The following CD109 variants were observed in gnomAD, a reference collection of about 807,000 sequenced individuals.
The protein encoded by CD109 is CD109 antigen.
In CD109, 149 loss-of-function variants were observed where a neutral mutation model predicts 165.8. That is an observed-to-expected ratio of 0.90 (90% CI 0.79 to 1.03). The LOEUF (loss-of-function observed/expected upper bound fraction) is 1.03, where lower values mean the gene tolerates loss of function less well. CD109 is among the 50% of genes least tolerant of loss of function. The pLI is 0.00. For synonymous variants in CD109, 585 were observed against 592.1 expected (o/e 0.99, Z 0.18); for missense variants, 1,712 against 1,677.8 (o/e 1.02, Z -0.36).
chr6:73,781,122 G>A (rs1286397727), intron 16 of CD109, 137 bp from the exon 17 acceptor site: 2 of 627,756 alleles, frequency 3.2e-6, no homozygotes, highest in African/African-American at 3.7e-5. Context: ...AGACAGAAAG[G>A]TTGAATGTAT....
intron 15 of CD109, among the ~76,000 whole-genome samples, chr6:73,777,911 C>T (rs1313035267): frequency 6.6e-6 from 1 of 152,068 alleles, no homozygotes; most frequent in Non-Finnish European, 1.5e-5. Context: ...TTTTTGGTTC[C>T]ATATGAATTT....
intron 15 of CD109, among the ~76,000 whole-genome samples, chr6:73,774,909 G>A (rs1774181768): frequency 2.0e-5 from 3 of 151,238 alleles, no homozygotes; most frequent in Admixed American, 6.6e-5. Flanking sequence ...AGGAGGGAGT[G>A]AGGATCCTGT....
chr6:73,790,179 C>T (rs996902567), intron 22 of CD109, among the ~76,000 whole-genome samples: 14 of 146,786 alleles, frequency 9.5e-5, no homozygotes, highest in Admixed American at 2.8e-4. Flanking sequence ...ACTGCAACCA[C>T]CGCCTACTGG....
chr6:73,696,410 C>G (rs991259720), intron 1 of CD109, 121 bp downstream of exon 1: 1 of 775,572 alleles, frequency 1.3e-6, no homozygotes, highest in Non-Finnish European at 1.8e-6. Flanking sequence ...AATGCCCTCG[C>G]GGCTGCAGTC....
At chr6:73,798,793 A>G (rs1002487390) in intron 23 of CD109, among the ~76,000 whole-genome samples, 1 of 152,114 alleles carries the variant, frequency 6.6e-6, no homozygotes, top group African/African-American at 2.4e-5. Context: ...TCTCATCTCC[A>G]TGATCTCATC....
chr6:73,699,545 TC>T (rs940904557), intron 2 of CD109, among the ~76,000 whole-genome samples: 1 of 152,164 alleles, frequency 6.6e-6, no homozygotes, highest in Non-Finnish European at 1.5e-5. Flanking sequence ...TATCAGTCTC[TC>T]TTTTTTTTTG....
intron 24 of CD109, among the ~76,000 whole-genome samples, chr6:73,804,479 CTT>C (rs890335566): frequency 1.3e-5 from 2 of 152,196 alleles, no homozygotes; most frequent in African/African-American, 4.8e-5. Flanking sequence ...TCTCCTCCCT[CTT>C]TCTTTCCTGT....
chr6:73,726,741 C>T (rs145787252), intron 3 of CD109, among the ~76,000 whole-genome samples: 33 of 152,250 alleles, frequency 2.2e-4, no homozygotes, highest in African/African-American at 7.5e-4. Flanking sequence ...TATGTATACA[C>T]GAAATAGATG....
At chr6:73,730,116 G>GC (rs1772303653) in intron 3 of CD109, among the ~76,000 whole-genome samples, 1 of 152,168 alleles carries the variant, frequency 6.6e-6, no homozygotes, top group Non-Finnish European at 1.5e-5. Flanking sequence ...AGAGCAGTGG[G>GC]CTATGTGTCC....
intron 5 of CD109, among the ~76,000 whole-genome samples, chr6:73,749,670 A>C (rs1773115703): frequency 6.6e-6 from 1 of 152,224 alleles, no homozygotes; most frequent in Admixed American, 6.5e-5. Context: ...ATGTGTGTGA[A>C]TGGGTCTCTC....
intron 2 of CD109, among the ~76,000 whole-genome samples, chr6:73,701,519 C>A (rs1771077764): frequency 6.6e-6 from 1 of 152,060 alleles, no homozygotes; most frequent in Admixed American, 6.6e-5. Flanking sequence ...GAAAGGAGTT[C>A]CTTGCCAAAT....
rs1193160430 is a variant in CD109 at position 73,762,448 on chromosome 6, G to A, written c.823G>A (p.Gly275Arg). ...TACATTTTTACCTTTATCCTTTTGG[G>A]GAAAGAAGAAAAATATTACAAAAAC... ...TLTFLPLSFW[G>R]KKKNITKTFK... The change falls in exon 8 of 33, where the codon GGA becomes AGA. Residue 275 changes from glycine (G) to arginine (R), a missense_variant. Transcript: ENST00000287097. 2 of 1,611,482 alleles carry A rather than the reference G, an allele frequency of 1.2e-6. No individual in the cohort carries two copies. Among genetic ancestry groups the A allele is most frequent in the Admixed American group, 1.7e-5 (1 of 59,948 alleles).
Position 73,765,976 on chromosome 6 carries a change from G to A in CD109, c.1154G>A (p.Arg385Lys). The change falls in exon 11 of 33, where the codon AGA (arginine) becomes AAA (lysine). Residue 385 changes from arginine to lysine, a missense_variant. Coordinates refer to ENST00000287097, the MANE Select transcript of CD109 (RefSeq NM_133493.5). Reference sequence around the variant, plus strand: ...GGCAACCAACTGACTCTTGAAGAAAGAAGAAATAATGTAGTCATAACAGTG... The same window carrying A: ...GGCAACCAACTGACTCTTGAAGAAAAAAGAAATAATGTAGTCATAACAGTG... ...ADGNQLTLEE[R>K]RNNVVITVTQ... The A allele has an allele frequency of 6.2e-7, 1 of 1,614,030 alleles. No homozygotes were observed. Among genetic ancestry groups the A allele is most frequent in the Non-Finnish European group, 8.5e-7 (1 of 1,179,958 alleles).
chr6:73,734,828 C>T (rs1486427015), intron 4 of CD109, among the ~76,000 whole-genome samples: 1 of 152,200 alleles, frequency 6.6e-6, no homozygotes, highest in African/African-American at 2.4e-5. Context: ...TATTCAACCC[C>T]TGCTCTCAGT....
At chr6:73,772,929 G>C (rs1774097361) in intron 15 of CD109, among the ~76,000 whole-genome samples, 1 of 147,276 alleles carries the variant, frequency 6.8e-6, no homozygotes, top group South Asian at 2.1e-4. Context: ...TTTACAACCA[G>C]TTGGTCATTT....
At chr6:73,799,923 C>G (rs1024497254) in intron 23 of CD109, among the ~76,000 whole-genome samples, 3 of 148,950 alleles carry the variant, frequency 2.0e-5, no homozygotes, top group African/African-American at 7.4e-5. Flanking sequence ...GTGGCACAAT[C>G]ATGGTTCACT....
At chr6:73,803,607 C>T (rs969908899) in intron 24 of CD109, among the ~76,000 whole-genome samples, 2 of 149,566 alleles carry the variant, frequency 1.3e-5, no homozygotes, top group South Asian at 2.1e-4. Context: ...TTAGAAATGC[C>T]GGGTGATTGT....
chr6:73,815,141 T>G lies in CD109; in HGVS notation c.3911+18T>G. On this transcript the variant is annotated intron_variant, in intron 30 of 32. Coordinates refer to ENST00000287097, the MANE Select transcript of CD109 (RefSeq NM_133493.5). Reference sequence around the variant, plus strand: ...TGTACAAGGTAAGTGTCTGCTTAGGTCTCTCTTCTTTTTTTCCTTTAAAAA... The same window carrying G: ...TGTACAAGGTAAGTGTCTGCTTAGGGCTCTCTTCTTTTTTTCCTTTAAAAA... 3 of 1,545,276 alleles carry G rather than the reference T, an allele frequency of 1.9e-6. No homozygotes were observed. Among genetic ancestry groups the G allele is most frequent in the Non-Finnish European group, 1.7e-6 (2 of 1,156,726 alleles).
At position 73,806,826 on chromosome 6, in the gene CD109, T is replaced by A. The variant is rs766272885; in HGVS notation, c.2961-18T>A. The stretch of plus-strand genomic sequence containing the variant: ...TTATAAAGTGTATTTTATGTAATTT[T>A]TTTCTCTTTTCATAAAGGTTGTCAG... On this transcript the variant is annotated intron_variant, in intron 24 of 32. Transcript: ENST00000287097. 6.3e-7 allele frequency: 1 copy of A among 1,584,614 alleles called. No homozygotes were observed. Among genetic ancestry groups the A allele is most frequent in the Non-Finnish European group, 8.6e-7 (1 of 1,157,522 alleles).
Sources: gnomAD v4.1 joint callset for allele counts (sites outside exome capture counted in the v4.1 genomes callset) on GRCh38, gnomAD v4.1.1 for gene constraint, MANE v1.5 for transcripts, NCBI Gene and HGNC (gene_info 2026-07-23, HGNC 2026-07-21) for gene names.